AGBL1: variants seen among roughly 807,000 people sequenced by gnomAD.
The protein encoded by AGBL1 is AGBL carboxypeptidase 1.
Under a neutral mutation model 118.9 loss-of-function variants are expected in AGBL1, and 130 were observed. That is an observed-to-expected ratio of 1.09 (90% CI 0.95 to 1.26). The LOEUF is 1.26. Among genes scored for constraint, AGBL1 ranks in the 50% most tolerant of loss-of-function variants. The pLI is 0.00. For missense variants in AGBL1, 1,584 were observed against 1,298.1 expected (o/e 1.22, Z -3.38); for synonymous variants, 555 against 478.9 (o/e 1.16, Z -2.08).
At chr15:86,774,062 G>T (rs917467277) in intron 22 of AGBL1, among the ~76,000 whole-genome samples, 1 of 152,048 alleles carries the variant, frequency 6.6e-6, no homozygotes, top group Admixed American at 6.6e-5. Flanking sequence ...ATCCCAGAAG[G>T]CTTTGCCTAG....
intron 6 of AGBL1, among the ~76,000 whole-genome samples, chr15:86,226,868 G>A (rs527893842): frequency 6.6e-6 from 1 of 152,150 alleles, no homozygotes; most frequent in African/African-American, 2.4e-5. Context: ...ACTCAGACTT[G>A]ATTACATTGT....
chr15:86,652,652 T>C (rs901569755), intron 21 of AGBL1, among the ~76,000 whole-genome samples: 1 of 152,210 alleles, frequency 6.6e-6, no homozygotes, highest in Non-Finnish European at 1.5e-5. Flanking sequence ...TATTTGTTTC[T>C]GGAACCCTAT....
intron 19 of AGBL1, among the ~76,000 whole-genome samples, chr15:86,542,356 ATT>A (rs71144054): frequency 0.019 from 2,251 of 116,126 alleles, 55 homozygotes; most frequent in African/African-American, 0.075. Context: ...CACCATTGAG[ATT>A]TTTTTTTTTT....
At chr15:86,201,351 C>G (rs536937803) in intron 5 of AGBL1, among the ~76,000 whole-genome samples, 1 of 152,096 alleles carries the variant, frequency 6.6e-6, no homozygotes, top group Non-Finnish European at 1.5e-5. Context: ...GGAAGGCAAC[C>G]TTGGGTAGGA....
chr15:86,196,817 A>T (rs1339353915), intron 5 of AGBL1, among the ~76,000 whole-genome samples: 1 of 150,236 alleles, frequency 6.7e-6, no homozygotes, highest in Non-Finnish European at 1.5e-5. Context: ...AGAGAAAGAG[A>T]TTTTCCTTTC....
chr15:86,437,985 A>C (rs1226286491), intron 18 of AGBL1, among the ~76,000 whole-genome samples: 1 of 152,050 alleles, frequency 6.6e-6, no homozygotes, highest in Non-Finnish European at 1.5e-5. Context: ...GGCTTACTGC[A>C]ACCTTTGCCT....
intron 5 of AGBL1, among the ~76,000 whole-genome samples, chr15:86,205,056 C>T (rs139693210): frequency 1.6e-3 from 241 of 152,334 alleles, no homozygotes; most frequent in African/African-American, 5.6e-3. Flanking sequence ...TAAAAATCCT[C>T]TGTGCTTCAA....
intron 24 of AGBL1, among the ~76,000 whole-genome samples, chr15:87,018,649 T>A (rs2081631625): frequency 7.3e-6 from 1 of 136,080 alleles, no homozygotes; most frequent in South Asian, 3.1e-4. Flanking sequence ...ACCAAAAGTA[T>A]TTTTTTACAA....
At chr15:86,292,441 T>G (rs2079562368) in intron 16 of AGBL1, among the ~76,000 whole-genome samples, 1 of 152,080 alleles carries the variant, frequency 6.6e-6, no homozygotes. Flanking sequence ...CACCTTGAAT[T>G]TTGCCCAGTG....
intron 19 of AGBL1, among the ~76,000 whole-genome samples, chr15:86,544,744 A>C (rs1243517278): frequency 1.3e-5 from 2 of 152,210 alleles, no homozygotes; most frequent in Non-Finnish European, 2.9e-5. Flanking sequence ...ATTACAATTC[A>C]AGGTGAGATT....
At chr15:86,688,120 G>A (rs184955273) in intron 22 of AGBL1, among the ~76,000 whole-genome samples, 215 of 152,258 alleles carry the variant, frequency 1.4e-3, no homozygotes, top group African/African-American at 4.1e-3. Context: ...AGCGCATGTC[G>A]TTGTTTCATG....
chr15:86,662,694 T>G (rs182529855), intron 21 of AGBL1, among the ~76,000 whole-genome samples: 1 of 152,328 alleles, frequency 6.6e-6, no homozygotes, highest in Admixed American at 6.5e-5. Context: ...TGATTTACAT[T>G]CTGGCTTAGG....
At chr15:86,730,405 C>T (rs957461773) in intron 22 of AGBL1, among the ~76,000 whole-genome samples, 28 of 152,116 alleles carry the variant, frequency 1.8e-4, no homozygotes, top group African/African-American at 6.3e-4. Context: ...AATAATCAAA[C>T]AAGCAAAAAA....
At chr15:86,704,958 AGG>A in intron 22 of AGBL1, among the ~76,000 whole-genome samples, 1 of 152,218 alleles carries the variant, frequency 6.6e-6, no homozygotes, top group African/African-American at 2.4e-5. Flanking sequence ...AGCCATAAAA[AGG>A]AATGAGTTCA....
rs1428247297 is a variant in AGBL1 at position 86,522,832 on chromosome 15, G to C, written c.2578G>C (p.Glu860Gln). ...NGNHRCSLSG[E>Q]DLNRQWLSPS... ...TAGCCACAGATGCTCACTGAGCGGG[G>C]AAGATTTGAACAGACAATGGCTTTC... is the stretch of plus-strand genomic sequence containing the variant. Residue 860 changes from glutamate to glutamine, a missense_variant, in exon 19 of 23, where the codon GAA (glutamate) becomes CAA (glutamine). Physicochemically the swap from Glu to Gln is conservative, Grantham distance 29. Coordinates refer to ENST00000614907, the MANE Select transcript of AGBL1 (RefSeq NM_001386094.1). 8 of 1,613,590 alleles carry C rather than the reference G, an allele frequency of 5.0e-6. No homozygotes were observed. Among genetic ancestry groups the C allele is most frequent in the Non-Finnish European group, 6.8e-6 (8 of 1,179,664 alleles).
At chr15:86,313,669 G>A (rs1397199685) in intron 17 of AGBL1, among the ~76,000 whole-genome samples, 4 of 152,086 alleles carry the variant, frequency 2.6e-5, no homozygotes, top group Non-Finnish European at 1.5e-5. Context: ...CCCAATAATT[G>A]ATTAATAATA....
chr15:86,253,783 T>C (rs1456847952), intron 7 of AGBL1, among the ~76,000 whole-genome samples: 2 of 152,244 alleles, frequency 1.3e-5, no homozygotes, highest in Admixed American at 6.5e-5. Context: ...CTTAACTGTT[T>C]TTAAGTGTAC....
intron 19 of AGBL1, 58 bp downstream of exon 19, chr15:86,522,997 G>C: frequency 3.8e-6 from 6 of 1,567,956 alleles, no homozygotes; most frequent in Non-Finnish European, 5.3e-6. Context: ...CTTCCAGGAA[G>C]CAGAGTATAT....
chr15:86,442,272 T>C (rs1306926990), intron 18 of AGBL1, among the ~76,000 whole-genome samples: 1 of 152,168 alleles, frequency 6.6e-6, no homozygotes, highest in African/African-American at 2.4e-5. Flanking sequence ...TTCCCCCATC[T>C]CTTAATATTC....
Sources: gnomAD v4.1 joint callset for allele counts (sites outside exome capture counted in the v4.1 genomes callset) on GRCh38, gnomAD v4.1.1 for gene constraint, MANE v1.5 for transcripts, NCBI Gene and HGNC (gene_info 2026-07-23, HGNC 2026-07-21) for gene names.